Variants in ZNF438 observed in about 807,000 individuals in gnomAD.
ZNF438 encodes the protein zinc finger protein 438.
ZNF438 carries 25 observed loss-of-function variants against 38.0 expected under a neutral mutation model. The observed-to-expected ratio is 0.66, with a 90% CI of 0.48 to 0.92. The LOEUF (loss-of-function observed/expected upper bound fraction) is 0.92, where lower values mean the gene tolerates loss of function less well. Among genes scored for constraint, ZNF438 ranks in the 40% least tolerant of loss-of-function variants. ZNF438 has a pLI of 0.00. For missense variants in ZNF438, 1,007 were observed against 999.6 expected, an observed-to-expected ratio of 1.01 and a Z score of -0.10; for synonymous variants, 372 against 364.1, an observed-to-expected ratio of 1.02 and a Z score of -0.25.
intron 3 of ZNF438, among the ~76,000 whole-genome samples, chr10:30,903,903 T>C (rs1234648001): frequency 1.3e-5 from 2 of 152,078 alleles, no homozygotes; most frequent in Non-Finnish European, 2.9e-5. Flanking sequence ...GAGTTTTCTG[T>C]TGCAAAATCT....
At chr10:31,028,775 TC>T (rs2057098765) in intron 1 of ZNF438, among the ~76,000 whole-genome samples, 1 of 152,124 alleles carries the variant, frequency 6.6e-6, no homozygotes, top group African/African-American at 2.4e-5. Context: ...ATCCCTAACA[TC>T]TACTACACAG....
rs552730179 is a variant in ZNF438, at chr10:30,946,789, C to G, written c.-191-5138G>C. On this transcript the variant is annotated intron_variant, in intron 1 of 5. Transcript: ENST00000413025. The stretch of plus-strand genomic sequence containing the variant: ...CTATTTCTCCCAATCTGTTCTTGTT[C>G]CCTTTTCCCTTTTTTTCCTGCCATA... Among the ~76,000 whole-genome samples the G allele has an allele frequency of 3.9e-5, 6 of 152,136 alleles. No homozygotes were observed. In the South Asian group the frequency reaches 1.2e-3, roughly 32 times the overall value.
At chr10:30,951,739 G>T (rs1246389488) in intron 1 of ZNF438, among the ~76,000 whole-genome samples, 1 of 149,976 alleles carries the variant, frequency 6.7e-6, no homozygotes, top group Admixed American at 6.7e-5. Context: ...ACTGCTCAAT[G>T]AAATAAAAGA....
At chr10:30,898,542 A>T (rs1003877445) in intron 3 of ZNF438, among the ~76,000 whole-genome samples, 3 of 152,172 alleles carry the variant, frequency 2.0e-5, no homozygotes, top group African/African-American at 7.2e-5. Context: ...ACACACATAT[A>T]TAACTATATT....
intron 1 of ZNF438, among the ~76,000 whole-genome samples, chr10:31,024,346 G>A (rs545614910): frequency 6.6e-6 from 1 of 152,204 alleles, no homozygotes; most frequent in Non-Finnish European, 1.5e-5. Flanking sequence ...CCTAGGTACG[G>A]CCGAGCGCAG....
intron 3 of ZNF438, among the ~76,000 whole-genome samples, chr10:30,882,569 C>T (rs4749636): frequency 0.38 from 58,289 of 151,946 alleles, 11,467 homozygotes; most frequent in Admixed American, 0.41. Flanking sequence ...TGATGCTATA[C>T]GAAAGAAGAT....
chr10:30,985,947 A>G (rs1354256493), intron 1 of ZNF438, among the ~76,000 whole-genome samples: 1 of 152,226 alleles, frequency 6.6e-6, no homozygotes, highest in Non-Finnish European at 1.5e-5. Flanking sequence ...AGGTGGTCCC[A>G]TAAGATTATC....
intron 1 of ZNF438, among the ~76,000 whole-genome samples, chr10:30,948,980 A>G (rs2047803303): frequency 6.6e-6 from 1 of 152,208 alleles, no homozygotes; most frequent in Admixed American, 6.5e-5. Context: ...GAAGGAAAAA[A>G]TGTTAACGGC....
chr10:31,003,798 T>C (rs1211901440), intron 1 of ZNF438, among the ~76,000 whole-genome samples: 1 of 152,232 alleles, frequency 6.6e-6, no homozygotes, highest in African/African-American at 2.4e-5. Flanking sequence ...ATGTCATTTC[T>C]TGGCCCAAAA....
At chr10:30,900,660 C>T (rs1329454778) in intron 3 of ZNF438, among the ~76,000 whole-genome samples, 4 of 152,174 alleles carry the variant, frequency 2.6e-5, no homozygotes, top group Non-Finnish European at 2.9e-5. Flanking sequence ...AACTTATTTA[C>T]GCTCACCCAG....
chr10:30,948,572 A>G (rs1198471450), intron 1 of ZNF438, among the ~76,000 whole-genome samples: 2 of 151,246 alleles, frequency 1.3e-5, no homozygotes, highest in African/African-American at 2.4e-5. Context: ...GATGGAGCTG[A>G]AAACCAAGGC....
Position 31,015,202 on chromosome 10 carries a change from G to T in ZNF438, c.-192+16631C>A, listed in dbSNP as rs80140059. The stretch of plus-strand genomic sequence containing the variant: ...TATTGATCTTGTCATTATCATAGCT[G>T]TCTTTATTATAATCATCATTGCTGA... On this transcript the variant is annotated intron_variant, in intron 1 of 5. Coordinates refer to ENST00000413025, the Ensembl canonical transcript of ZNF438. Among the ~76,000 whole-genome samples the T allele has an allele frequency of 3.1e-3, 476 of 152,176 alleles. 2 individuals are homozygous for T. Among genetic ancestry groups the T allele is most frequent in the African/African-American group, 0.011 (440 of 41,490 alleles).
intron 1 of ZNF438, among the ~76,000 whole-genome samples, chr10:31,029,295 C>T (rs1341395393): frequency 1.4e-5 from 2 of 145,776 alleles, no homozygotes; most frequent in African/African-American, 2.6e-5. Context: ...GTACTTAAAA[C>T]CCTGCCTGGG....
At chr10:31,032,176 G>T (rs1055087957), upstream of ZNF438, among the ~76,000 whole-genome samples, 8 of 152,242 alleles carry the variant, frequency 5.3e-5, no homozygotes, top group Non-Finnish European at 1.0e-4. Flanking sequence ...GAGACCTTCA[G>T]AAATACTGTA....
chr10:30,973,812 A>T (rs2051016832), intron 1 of ZNF438, among the ~76,000 whole-genome samples: 2 of 152,208 alleles, frequency 1.3e-5, no homozygotes, highest in South Asian at 4.1e-4. Context: ...TTTGCTGCAT[A>T]GATTTTATTC....
chr10:30,931,192 T>G (rs2045654200), intron 2 of ZNF438, among the ~76,000 whole-genome samples: 1 of 152,218 alleles, frequency 6.6e-6, no homozygotes, highest in African/African-American at 2.4e-5. Flanking sequence ...CTAAATTGGA[T>G]GGACAACCAT....
chr10:31,000,879 T>C (rs976404441), intron 1 of ZNF438, among the ~76,000 whole-genome samples: 9 of 152,218 alleles, frequency 5.9e-5, no homozygotes, highest in Non-Finnish European at 1.2e-4. Flanking sequence ...CAAAATCTTT[T>C]AGTGGCTTCT....
intron 1 of ZNF438, among the ~76,000 whole-genome samples, chr10:30,955,422 T>C (rs992527887): frequency 6.6e-6 from 1 of 152,234 alleles, no homozygotes; most frequent in Non-Finnish European, 1.5e-5. Flanking sequence ...GGAAGTGATA[T>C]GGTACCATTT....
At chr10:30,957,726 T>C (rs1310252637) in intron 1 of ZNF438, among the ~76,000 whole-genome samples, 2 of 152,212 alleles carry the variant, frequency 1.3e-5, no homozygotes, top group African/African-American at 2.4e-5. Context: ...TTTATGTGTG[T>C]ACCATGCTGT....
Sources: allele counts gnomAD v4.1 joint callset (sites outside exome capture counted in the v4.1 genomes callset), GRCh38; gene constraint gnomAD v4.1.1; transcripts MANE v1.5; gene names NCBI Gene and HGNC (gene_info 2026-07-23, HGNC 2026-07-21).